The following ZNF212 variants were observed in gnomAD, a reference collection of about 807,000 sequenced individuals.
The protein encoded by ZNF212 is zinc finger protein 212.
In ZNF212, 32 loss-of-function variants were observed where a neutral mutation model predicts 47.3. The ratio of observed to expected loss-of-function variants is 0.68; its 90% CI spans 0.51 to 0.91. The LOEUF (loss-of-function observed/expected upper bound fraction) is 0.91. Ranked by LOEUF, ZNF212 falls within the 40% of genes least tolerant of loss-of-function variation. ZNF212 has a pLI of 0.00. For missense variants in ZNF212, 555 were observed against 622.8 expected (o/e 0.89, Z 1.16); for synonymous variants, 242 against 253.8 (o/e 0.95, Z 0.44).
chr7:149,249,511 T>C (rs138386972), intron 1 of ZNF212, among the ~76,000 whole-genome samples: 111 of 152,274 alleles, frequency 7.3e-4, no homozygotes, highest in African/African-American at 2.5e-3. Flanking sequence ...GAGAATATGC[T>C]AAGCATAAAG....
At chr7:149,239,940 C>A in intron 1 of ZNF212, 138 bp downstream of exon 1, 1 of 1,034,358 alleles carries the variant, frequency 9.7e-7, no homozygotes, top group Non-Finnish European at 1.3e-6. Context: ...GAACGCGGAC[C>A]CTCCTCTTCG....
chr7:149,244,612 C>G (rs1443525185), intron 1 of ZNF212, among the ~76,000 whole-genome samples: 2 of 152,148 alleles, frequency 1.3e-5, no homozygotes, highest in Non-Finnish European at 2.9e-5. Flanking sequence ...TGCACCTGGC[C>G]AGAAATGATT....
At chr7:149,247,714 T>C (rs961016935) in intron 1 of ZNF212, among the ~76,000 whole-genome samples, 2 of 152,176 alleles carry the variant, frequency 1.3e-5, no homozygotes, top group Non-Finnish European at 2.9e-5. Flanking sequence ...GTTGGTTCCT[T>C]ATGAGTTTTG....
intron 1 of ZNF212, among the ~76,000 whole-genome samples, chr7:149,241,447 A>AT (rs1796586888): frequency 6.6e-6 from 1 of 151,506 alleles, no homozygotes; most frequent in Admixed American, 6.6e-5. Context: ...AAAAAAAAAA[A>AT]AAAAAGTCCA....
In ZNF212 at chr7:149,250,209, A is replaced by C. The variant is rs759392884; in HGVS notation, c.75A>C (p.Ser25=). 3.2e-6 allele frequency: 5 copies of C among 1,570,182 alleles called. No homozygotes were observed. Among genetic ancestry groups the C allele is most frequent in the Admixed American group, 3.8e-5 (2 of 53,226 alleles). The part of the protein sequence containing the change: ...STPLTSSTLP[S]QATEKSSYFQ... ...CTTTAACTTCTTCCACACTTCCTTCACAAGCAACAGAGAAAAGCTCCTATT... is the reference window on the plus strand; with the variant it reads ...CTTTAACTTCTTCCACACTTCCTTCCCAAGCAACAGAGAAAAGCTCCTATT... Residue 25 remains serine, a synonymous_variant, in exon 2 of 5, where the codon TCA becomes TCC. Coordinates refer to ENST00000335870, the MANE Select transcript of ZNF212 (RefSeq NM_012256.4).
rs139675808 is a variant in ZNF212 at position 149,253,615 on chromosome 7, C to A, written c.688C>A (p.Leu230Ile). ...GTATACACAGGAAGGCCCTGCGGAT[C>A]TTCCTGGAGAGTTCTCATGCATTGC... ...LQYTQEGPAD[L>I]PGEFSCIAEE... The change falls in exon 5 of 5, where the codon CTT becomes ATT. Residue 230 changes from leucine (L) to isoleucine (I), a missense_variant. By Grantham distance (5) the Leu-to-Ile change is conservative. Coordinates refer to ENST00000335870, the MANE Select transcript of ZNF212 (RefSeq NM_012256.4). 6.8e-6 allele frequency: 11 copies of A among 1,614,056 alleles called. No homozygotes were observed. Among genetic ancestry groups the A allele is most frequent in the Non-Finnish European group, 8.5e-6 (10 of 1,179,940 alleles).
rs140885258 is a variant in ZNF212, at chr7:149,248,036, C to CTG, written c.25-2121_25-2120dup. On this transcript the variant is annotated intron_variant, in intron 1 of 4. Coordinates refer to ENST00000335870, the MANE Select transcript of ZNF212 (RefSeq NM_012256.4). ...CAAGAGAGAGACCAAAGAAGTCAGA[C>CTG]TGTTTCACAACCCACTGTAGTGGGA... 6.1e-3 allele frequency among the ~76,000 whole-genome samples: 924 copies of CTG among 152,276 alleles called. 8 individuals carry two copies. The highest frequency in any genetic ancestry group is 0.021 in the African/African-American group (874 of 41,538).
intron 4 of ZNF212, among the ~76,000 whole-genome samples, chr7:149,253,350 C>A (rs556795797): frequency 6.6e-6 from 1 of 152,152 alleles, no homozygotes; most frequent in Non-Finnish European, 1.5e-5. Flanking sequence ...AAGAGTAATA[C>A]ATTTATATTT....
At chr7:149,243,614 A>G (rs1425215030) in intron 1 of ZNF212, among the ~76,000 whole-genome samples, 1 of 152,172 alleles carries the variant, frequency 6.6e-6, no homozygotes, top group East Asian at 1.9e-4. Context: ...TACTTTTGTA[A>G]TGGTAAAAGA....
rs1222242787 is a variant in ZNF212, at chr7:149,255,572, A to T, written c.*1157A>T. The T allele has an allele frequency of 6.5e-6, 1 of 153,574 alleles. No homozygotes were observed. The highest frequency in any genetic ancestry group is 2.4e-5 in the African/African-American group (1 of 41,342). The allele number at this position is 153,574 out of a possible 1,614,324, so 9.5% of individuals were successfully genotyped here. The stretch of plus-strand genomic sequence containing the variant: ...CCTTGGATGATTTGCGGTTGCTTAG[A>T]ATAAAACTTGCTACTAGCAAAAGAA... On this transcript the variant is annotated 3_prime_UTR_variant, in exon 5 of 5. Transcript: ENST00000335870.
rs1347322565 is a variant in ZNF212 at position 149,252,787 on chromosome 7, C to T, written c.623C>T (p.Ala208Val). 6.2e-7 allele frequency: 1 copy of T among 1,613,734 alleles called. No individual in the cohort carries two copies. Among genetic ancestry groups the T allele is most frequent in the Non-Finnish European group, 8.5e-7 (1 of 1,179,954 alleles). Residue 208 changes from alanine to valine, a missense_variant, in exon 4 of 5, where the codon GCC (alanine) becomes GTC (valine). Physicochemically the swap from Ala to Val is moderately conservative, Grantham distance 64. Transcript: ENST00000335870. ...TTGGAAGAGGAAGGTCCTGGTGGTG[C>T]CCACCCAGGTGAGTGGCTCTGGAAT... ...GDLEEEGPGGAHPAGGVMIKQ... is the reference protein window; with the variant it reads ...GDLEEEGPGGVHPAGGVMIKQ...
chr7:149,249,822 G>T (rs918921504), intron 1 of ZNF212, among the ~76,000 whole-genome samples: 2 of 152,126 alleles, frequency 1.3e-5, no homozygotes, highest in African/African-American at 2.4e-5. Context: ...TAGAGACAGG[G>T]TTTGCCTTGT....
At chr7:149,243,383 A>C (rs570596187) in intron 1 of ZNF212, among the ~76,000 whole-genome samples, 1 of 142,222 alleles carries the variant, frequency 7.0e-6, no homozygotes, top group Non-Finnish European at 1.5e-5. Context: ...GCAGTGAGCC[A>C]AGATTGCGCC....
At chr7:149,243,654 T>G (rs929207295) in intron 1 of ZNF212, among the ~76,000 whole-genome samples, 5 of 152,200 alleles carry the variant, frequency 3.3e-5, no homozygotes, top group Non-Finnish European at 7.3e-5. Context: ...ACAAAATTTC[T>G]AAACCTGTAT....
Position 149,250,271 on chromosome 7 carries a change from C to T in ZNF212, c.137C>T (p.Ala46Val), listed in dbSNP as rs1335119268. 24 of 1,613,508 alleles carry T rather than the reference C, an allele frequency of 1.5e-5. No homozygotes were observed. Among genetic ancestry groups the T allele is most frequent in the Non-Finnish European group, 1.9e-5 (22 of 1,179,802 alleles). The change falls in exon 2 of 5, where the codon GCC becomes GTC. Residue 46 changes from alanine to valine, a missense_variant. Ala to Val is a moderately conservative substitution (Grantham distance 64). Transcript: ENST00000335870. ...TTEISLWTVV[A>V]AIQAVEKKME... ...GAGATTTCACTCTGGACGGTGGTGG[C>T]CGCTATTCAGGCTGTGGAGAAGAAG...
chr7:149,244,178 G>A (rs62505132), intron 1 of ZNF212, among the ~76,000 whole-genome samples: 47,425 of 152,018 alleles, frequency 0.31, 7,630 homozygotes, highest in East Asian at 0.46. Flanking sequence ...CAAGTGATCC[G>A]GCTGTCTTGG....
chr7:149,246,216 A>T (rs939722563), intron 1 of ZNF212, among the ~76,000 whole-genome samples: 3 of 152,090 alleles, frequency 2.0e-5, no homozygotes, highest in Non-Finnish European at 4.4e-5. Flanking sequence ...ATTTTCTCCT[A>T]CTTTGACATT....
intron 1 of ZNF212, among the ~76,000 whole-genome samples, chr7:149,242,641 A>G (rs1306909958): frequency 6.6e-6 from 1 of 152,206 alleles, no homozygotes; most frequent in African/African-American, 2.4e-5. Context: ...CCAAATAGAA[A>G]GTCTGAAAAT....
intron 1 of ZNF212, among the ~76,000 whole-genome samples, chr7:149,242,283 A>G (rs1563186990): frequency 2.6e-5 from 4 of 151,512 alleles, no homozygotes; most frequent in Admixed American, 1.3e-4. Flanking sequence ...CGGCCTCCCA[A>G]AGTGCTGGGA....
Sources: gnomAD v4.1 joint callset for allele counts (sites outside exome capture counted in the v4.1 genomes callset) on GRCh38, gnomAD v4.1.1 for gene constraint, MANE v1.5 for transcripts, NCBI Gene and HGNC (gene_info 2026-07-23, HGNC 2026-07-21) for gene names.